Variants in NDRG3 observed in about 807,000 individuals in gnomAD.
The protein encoded by NDRG3 is NDRG family member 3, also known as protein NDRG3.
Under a neutral mutation model 57.2 loss-of-function variants are expected in NDRG3, and 23 were observed. That is an observed-to-expected ratio of 0.40 (90% CI 0.29 to 0.57). NDRG3 has a LOEUF of 0.57. NDRG3 is among the 20% of genes least tolerant of loss of function. The pLI is 0.42. For synonymous variants in NDRG3, 132 were observed against 162.6 expected (o/e 0.81, Z 1.43); for missense variants, 384 against 457.3 (o/e 0.84, Z 1.46).
Position 36,659,137 on chromosome 20 carries a change from G to C in NDRG3, c.858+1200C>G, listed in dbSNP as rs149489126. ...CTAATTTTCTTATTGTTTTTGTAGA[G>C]ACAGAGTCTCACTATGTTTCCCAGA... On this transcript the variant is annotated intron_variant, in intron 13 of 15. Coordinates refer to ENST00000349004, the MANE Select transcript of NDRG3 (RefSeq NM_032013.4). Among the ~76,000 whole-genome samples, 15 of 152,092 alleles carry C rather than the reference G, an allele frequency of 9.9e-5. No individual in the cohort carries two copies. The East Asian group carries it at 2.9e-3, about 29-fold the overall frequency.
intron 1 of NDRG3, among the ~76,000 whole-genome samples, chr20:36,740,947 C>G (rs1285780754): frequency 1.3e-5 from 2 of 151,958 alleles, no homozygotes; most frequent in Non-Finnish European, 2.9e-5. Context: ...ATCAAGCTAG[C>G]TAAGTTTTCG....
chr20:36,695,758 C>T (rs867749733), intron 3 of NDRG3, among the ~76,000 whole-genome samples: 66 of 152,172 alleles, frequency 4.3e-4, no homozygotes, highest in Non-Finnish European at 1.2e-4. Context: ...TCTAGTTTCG[C>T]CCTGGCCTTG....
At chr20:36,705,135 C>T (rs565489175) in intron 3 of NDRG3, among the ~76,000 whole-genome samples, 4 of 151,442 alleles carry the variant, frequency 2.6e-5, no homozygotes, top group Non-Finnish European at 5.9e-5. Context: ...TCCTGACCAA[C>T]ATGGTGAAAC....
intron 7 of NDRG3, among the ~76,000 whole-genome samples, chr20:36,681,761 T>C (rs1981320389): frequency 6.6e-6 from 1 of 151,726 alleles, no homozygotes; most frequent in African/African-American, 2.4e-5. Flanking sequence ...GCAGTGATGC[T>C]ATCTCGGCTC....
chr20:36,675,214 C>T (rs894312647), intron 8 of NDRG3, among the ~76,000 whole-genome samples: 1 of 150,836 alleles, frequency 6.6e-6, no homozygotes, highest in African/African-American at 2.4e-5. Context: ...CATGTGCCAC[C>T]AGGCCCGGGT....
chr20:36,698,567 C>A (rs925361115), intron 3 of NDRG3, among the ~76,000 whole-genome samples: 3 of 150,956 alleles, frequency 2.0e-5, no homozygotes, highest in Non-Finnish European at 2.9e-5. Flanking sequence ...CAGAGCAAGA[C>A]CCTTTCTTAA....
chr20:36,693,144 A>G (rs1165570844), intron 3 of NDRG3, among the ~76,000 whole-genome samples: 3 of 41,192 alleles, frequency 7.3e-5, no homozygotes, highest in Admixed American at 6.9e-4. Flanking sequence ...ATATATATAC[A>G]CACACACACA....
intron 13 of NDRG3, among the ~76,000 whole-genome samples, chr20:36,657,472 A>G (rs1978780891): frequency 6.6e-6 from 1 of 150,918 alleles, no homozygotes; most frequent in Admixed American, 6.6e-5. Context: ...TGGGCGACAG[A>G]GTCCGTCTCC....
At chr20:36,659,523 T>C (rs970069740) in intron 13 of NDRG3, among the ~76,000 whole-genome samples, 1 of 152,236 alleles carries the variant, frequency 6.6e-6, no homozygotes, top group African/African-American at 2.4e-5. Flanking sequence ...TTTAAATTTA[T>C]TTTATTCCAT....
rs34146274 is a variant in NDRG3, at chr20:36,674,886, ATTTTTTTTTTT to A, written c.532-3500_532-3490del. ...GGCATGAGCCACCATGCCCAGCCAG[ATTTTTTTTTTT>A]TTTTTTTTTTTTTTTTTTTGAGACA... On this transcript the variant is annotated intron_variant, in intron 8 of 15. Coordinates refer to ENST00000349004, the MANE Select transcript of NDRG3 (RefSeq NM_032013.4). Among the ~76,000 whole-genome samples the A allele has an allele frequency of 7.2e-3, 286 of 39,728 alleles. 1 individual carries two copies. Among genetic ancestry groups the A allele is most frequent in the Admixed American group, 9.6e-3 (20 of 2,090 alleles). 26.1% of individuals were successfully genotyped at this position (39,728 alleles called of 152,430 possible).
chr20:36,666,488 G>A lies in NDRG3; in HGVS notation c.589-96C>T. 1.3e-5 allele frequency: 11 copies of A among 867,078 alleles called. No individual in the cohort carries two copies. The South Asian group carries it at 1.6e-4, about 12-fold the overall frequency. The allele number at this position is 867,078 out of a possible 1,614,324, so 53.7% of individuals were successfully genotyped here. On this transcript the variant is annotated intron_variant, in intron 9 of 15. Transcript: ENST00000349004. Reference sequence around the variant, plus strand: ...TTTTCATTACCACAAGCCAAATCGTGCGGCTCATGATGGGAACTGGGGCAG... The same window carrying A: ...TTTTCATTACCACAAGCCAAATCGTACGGCTCATGATGGGAACTGGGGCAG...
At chr20:36,682,910 C>CA (rs1981437186) in intron 6 of NDRG3, among the ~76,000 whole-genome samples, 1 of 148,334 alleles carries the variant, frequency 6.7e-6, no homozygotes, top group African/African-American at 2.5e-5. Context: ...TACTAAAATA[C>CA]AAAAAATTAG....
At chr20:36,711,151 A>G (rs976150349) in intron 2 of NDRG3, among the ~76,000 whole-genome samples, 2 of 148,376 alleles carry the variant, frequency 1.3e-5, no homozygotes, top group African/African-American at 5.0e-5. Context: ...GCGTGGTGGC[A>G]GGCGCCTGTA....
intron 15 of NDRG3, among the ~76,000 whole-genome samples, chr20:36,655,709 C>A (rs1417270542): frequency 6.6e-6 from 1 of 152,186 alleles, no homozygotes; most frequent in Non-Finnish European, 1.5e-5. Flanking sequence ...AATGTGGGCT[C>A]TGGAGTCAGA....
At chr20:36,733,144 C>A (rs1600970952) in intron 1 of NDRG3, among the ~76,000 whole-genome samples, 2 of 26,594 alleles carry the variant, frequency 7.5e-5, no homozygotes, top group Admixed American at 6.5e-4. Context: ...ACGATCCTGT[C>A]TCAAAAAAAA....
chr20:36,655,473 A>T (rs1978573831), intron 15 of NDRG3, among the ~76,000 whole-genome samples: 1 of 152,240 alleles, frequency 6.6e-6, no homozygotes, highest in South Asian at 2.1e-4. Flanking sequence ...TTACAATACA[A>T]GAGACCAGGA....
At chr20:36,688,572 A>C in intron 4 of NDRG3, 107 bp downstream of exon 4, 1 of 820,954 alleles carries the variant, frequency 1.2e-6, no homozygotes, top group Non-Finnish European at 2.0e-6. Context: ...GAAAGTTACC[A>C]CAGAGAGGGG....
At chr20:36,737,195 G>C (rs973538017) in intron 1 of NDRG3, among the ~76,000 whole-genome samples, 3 of 152,044 alleles carry the variant, frequency 2.0e-5, no homozygotes, top group African/African-American at 7.2e-5. Flanking sequence ...GTTAATCCCA[G>C]ACACCCATCG....
intron 2 of NDRG3, among the ~76,000 whole-genome samples, chr20:36,710,104 G>C (rs969735969): frequency 6.6e-6 from 1 of 152,134 alleles, no homozygotes; most frequent in African/African-American, 2.4e-5. Context: ...CAGATCACTT[G>C]AGCTCAGGAG....
Sources: gnomAD v4.1 joint callset for allele counts (sites outside exome capture counted in the v4.1 genomes callset) on GRCh38, gnomAD v4.1.1 for gene constraint, MANE v1.5 for transcripts, NCBI Gene and HGNC (gene_info 2026-07-23, HGNC 2026-07-21) for gene names.